MCC: variants seen among roughly 807,000 people sequenced by gnomAD.
The protein encoded by MCC is MCC regulator of Wnt signaling pathway, also known as colorectal mutant cancer protein.
MCC carries 90 observed loss-of-function variants against 116.2 expected under a neutral mutation model. The observed-to-expected ratio is 0.77, with a 90% CI of 0.65 to 0.92. MCC has a LOEUF of 0.92. Among genes scored for constraint, MCC ranks in the 40% least tolerant of loss-of-function variants. MCC has a pLI of 0.00. For missense variants in MCC, 1,516 were observed against 1,312.2 expected (o/e 1.16, Z -2.40); for synonymous variants, 578 against 510.5 (o/e 1.13, Z -1.78).
intron 4 of MCC, among the ~76,000 whole-genome samples, chr5:113,147,849 A>T (rs1251231077): frequency 6.6e-6 from 1 of 152,230 alleles, no homozygotes; most frequent in East Asian, 1.9e-4. Flanking sequence ...ACTACATCTC[A>T]GAAAAGTTAT....
chr5:113,330,905 C>T (rs1330835981), intron 3 of MCC, among the ~76,000 whole-genome samples: 1 of 152,152 alleles, frequency 6.6e-6, no homozygotes, highest in Non-Finnish European at 1.5e-5. Context: ...GGCTTCCTAC[C>T]ACCTCACTAT....
Position 113,340,510 on chromosome 5 carries a change from A to C in MCC, c.627+9T>G. ...GAAATATGTATTCCATGAACCAAAA[A>C]GTACTCACTGTGTTGGCCAGCTCTA... On this transcript the variant is annotated intron_variant, in intron 3 of 18. Coordinates refer to ENST00000408903, the MANE Select transcript of MCC (RefSeq NM_001085377.2). 1 of 1,613,072 alleles carries C rather than the reference A, an allele frequency of 6.2e-7. No individual in the cohort carries two copies. Among genetic ancestry groups the C allele is most frequent in the Non-Finnish European group, 8.5e-7 (1 of 1,179,070 alleles).
chr5:113,136,808 G>A (rs1409641994), intron 5 of MCC, among the ~76,000 whole-genome samples: 1 of 152,128 alleles, frequency 6.6e-6, no homozygotes, highest in Non-Finnish European at 1.5e-5. Context: ...CTGCGAACAA[G>A]GTGAATTTGA....
At chr5:113,421,982 G>A (rs1940775562) in intron 1 of MCC, among the ~76,000 whole-genome samples, 1 of 152,110 alleles carries the variant, frequency 6.6e-6, no homozygotes, top group Non-Finnish European at 1.5e-5. Context: ...AAATGTTTTT[G>A]CCACTTTTTC....
chr5:113,280,734 A>T (rs1432099288), intron 3 of MCC, among the ~76,000 whole-genome samples: 1 of 152,198 alleles, frequency 6.6e-6, no homozygotes, highest in Non-Finnish European at 1.5e-5. Flanking sequence ...GACTACAAGA[A>T]GATTTTGTAT....
At chr5:113,302,485 T>C (rs1231320792) in intron 3 of MCC, among the ~76,000 whole-genome samples, 1 of 152,240 alleles carries the variant, frequency 6.6e-6, no homozygotes, top group Admixed American at 6.5e-5. Context: ...TTACATATTA[T>C]ACAGTATTCA....
At position 113,434,001 on chromosome 5, in the gene MCC, G is replaced by C; in HGVS notation, c.171-48789C>G. On this transcript the variant is annotated intron_variant, in intron 1 of 18. Transcript: ENST00000408903. The surrounding 1 kb of genome is among the most constrained non-coding windows in gnomAD (Gnocchi z 4.2). ...CCCCTCCTTGTTGATGGCCACAGAGGGAGATCCCCGTGCCTTGGGCTGCAT... is the reference window on the plus strand; with the variant it reads ...CCCCTCCTTGTTGATGGCCACAGAGCGAGATCCCCGTGCCTTGGGCTGCAT... 1 of 1,614,022 alleles carries C rather than the reference G, an allele frequency of 6.2e-7. No homozygotes were observed. The highest frequency in any genetic ancestry group is 8.5e-7 in the Non-Finnish European group (1 of 1,179,892).
intron 3 of MCC, among the ~76,000 whole-genome samples, chr5:113,278,713 G>T (rs1269757011): frequency 6.6e-6 from 1 of 152,146 alleles, no homozygotes; most frequent in Non-Finnish European, 1.5e-5. Context: ...GAATGTGAGC[G>T]ACGTGGCTGG....
chr5:113,172,214 G>C (rs940327111), intron 3 of MCC, among the ~76,000 whole-genome samples: 2 of 152,144 alleles, frequency 1.3e-5, no homozygotes, highest in African/African-American at 4.8e-5. Context: ...GATCACTTAA[G>C]ACAGGATTCA....
At chr5:113,055,063 G>A (rs980432141) in intron 14 of MCC, among the ~76,000 whole-genome samples, 2 of 152,220 alleles carry the variant, frequency 1.3e-5, no homozygotes, top group African/African-American at 4.8e-5. Context: ...AGAGGAAAAA[G>A]CAGAGGCCTA....
chr5:113,416,803 G>A (rs937444890), intron 1 of MCC, among the ~76,000 whole-genome samples: 5 of 151,896 alleles, frequency 3.3e-5, no homozygotes, highest in African/African-American at 1.2e-4. Context: ...AGATAAAATT[G>A]ATATCTCATT....
intron 3 of MCC, among the ~76,000 whole-genome samples, chr5:113,220,924 C>CG (rs1763528972): frequency 6.6e-6 from 1 of 152,134 alleles, no homozygotes; most frequent in African/African-American, 2.4e-5. Flanking sequence ...GCAGTGAGGC[C>CG]GGGCATGGTG....
intron 1 of MCC, among the ~76,000 whole-genome samples, chr5:113,428,018 A>G (rs1336542229): frequency 6.6e-6 from 1 of 152,178 alleles, no homozygotes; most frequent in Non-Finnish European, 1.5e-5. Context: ...TCCTCATCAC[A>G]TCATCTATCA....
At chr5:113,189,828 CA>C (rs2150313120) in intron 3 of MCC, among the ~76,000 whole-genome samples, 1 of 152,310 alleles carries the variant, frequency 6.6e-6, no homozygotes, top group East Asian at 1.9e-4. Context: ...TAATTAGCCA[CA>C]ATCTTAATTA....
At chr5:113,218,842 G>A (rs1320482430) in intron 3 of MCC, among the ~76,000 whole-genome samples, 1 of 151,460 alleles carries the variant, frequency 6.6e-6, no homozygotes, top group African/African-American at 2.4e-5. Flanking sequence ...AATAAAAGAT[G>A]TAAATTAATA....
At chr5:113,424,719 AT>A (rs998207217) in intron 1 of MCC, among the ~76,000 whole-genome samples, 45 of 152,094 alleles carry the variant, frequency 3.0e-4, no homozygotes, top group African/African-American at 1.7e-4. Flanking sequence ...TCTCAAAAAA[AT>A]TTTTTTTAAA....
intron 14 of MCC, among the ~76,000 whole-genome samples, chr5:113,057,385 G>C (rs554974247): frequency 2.0e-5 from 3 of 152,180 alleles, no homozygotes; most frequent in Non-Finnish European, 4.4e-5. Flanking sequence ...GGGAGCTACA[G>C]CAACAATTCC....
chr5:113,313,878 T>G (rs1289548388), intron 3 of MCC, among the ~76,000 whole-genome samples: 2 of 151,884 alleles, frequency 1.3e-5, no homozygotes, highest in Non-Finnish European at 2.9e-5. Flanking sequence ...TGGAGTGCAG[T>G]GGTGTGATCA....
chr5:113,266,798 A>C (rs1765434861), intron 3 of MCC, among the ~76,000 whole-genome samples: 1 of 147,776 alleles, frequency 6.8e-6, no homozygotes, highest in South Asian at 2.2e-4. Context: ...TATGGACAAA[A>C]AAACAAAACA....
Sources: allele counts gnomAD v4.1 joint callset (sites outside exome capture counted in the v4.1 genomes callset), GRCh38; gene constraint gnomAD v4.1.1; non-coding constraint Gnocchi (gnomAD v3.1); transcripts MANE v1.5; gene names NCBI Gene and HGNC (gene_info 2026-07-23, HGNC 2026-07-21).